Variants in USP54 observed in about 807,000 individuals in gnomAD.
The protein encoded by USP54 is ubiquitin carboxyl-terminal hydrolase 54.
In USP54, 87 loss-of-function variants were observed where a neutral mutation model predicts 170.5. The ratio of observed to expected loss-of-function variants is 0.51; its 90% CI spans 0.43 to 0.61. The LOEUF (loss-of-function observed/expected upper bound fraction) is 0.61. Ranked by LOEUF, USP54 falls within the 20% of genes least tolerant of loss-of-function variation. USP54 has a pLI of 0.00. For synonymous variants in USP54, 655 were observed against 742.8 expected, an observed-to-expected ratio of 0.88 and a Z score of 1.92; for missense variants, 1,786 against 2,047.8, an observed-to-expected ratio of 0.87 and a Z score of 2.47.
At chr10:73,539,306 A>AT (rs1356619690) in intron 10 of USP54, 138 bp downstream of exon 10, 104 of 333,974 alleles carry the variant, frequency 3.1e-4, no homozygotes, top group African/African-American at 1.6e-3. Context: ...AAAAAAAAAA[A>AT]AATATATATA....
intron 22 of USP54, chr10:73,504,626 A>G (rs1340304431): frequency 3.3e-6 from 2 of 603,948 alleles, no homozygotes; most frequent in Admixed American, 3.1e-5. Flanking sequence ...AAACCCTACA[A>G]CACGCACGGC....
chr10:73,609,141 G>C (rs2079922433), intron 1 of USP54, among the ~76,000 whole-genome samples: 1 of 152,094 alleles, frequency 6.6e-6, no homozygotes, highest in Non-Finnish European at 1.5e-5. Flanking sequence ...AACACTGAAG[G>C]AACACATAGA....
Position 73,516,400 on chromosome 10 carries a change from G to T in USP54, c.4026C>A (p.Thr1342=). 1 of 1,612,846 alleles carries T rather than the reference G, an allele frequency of 6.2e-7. No homozygotes were observed. The highest frequency in any genetic ancestry group is 1.1e-5 in the South Asian group (1 of 90,894). The change falls in exon 20 of 24, where the codon ACC becomes ACA. Residue 1342 remains threonine (T), a synonymous_variant. Transcript: ENST00000687698. The part of the protein sequence containing the change: ...AGCSGWGQQD[T]AWHPLSQTGS... ...CTGTTTGGCTAAGTGGGTGCCAGGC[G>T]GTATCCTGCTGCCCCCATCCAGAAC...
intron 20 of USP54, among the ~76,000 whole-genome samples, chr10:73,508,799 C>G (rs1450730039): frequency 1.3e-5 from 2 of 151,700 alleles, no homozygotes. Context: ...TCCCGAGTAG[C>G]TGGGACTACA....
intron 1 of USP54, among the ~76,000 whole-genome samples, chr10:73,607,001 A>G (rs2079698974): frequency 6.6e-6 from 1 of 151,824 alleles, no homozygotes; most frequent in African/African-American, 2.4e-5. Flanking sequence ...ATATATTTCT[A>G]GAGGCAGGAA....
intron 4 of USP54, among the ~76,000 whole-genome samples, chr10:73,550,596 G>A (rs1228101577): frequency 1.3e-5 from 2 of 152,028 alleles, no homozygotes; most frequent in African/African-American, 4.8e-5. Flanking sequence ...CAGCAACTAG[G>A]ACAGTACTGG....
rs372893714 is a variant in USP54 at position 73,617,126 on chromosome 10, G to A, written c.-18+8441C>T. 2.3e-4 allele frequency among the ~76,000 whole-genome samples: 35 copies of A among 150,250 alleles called. 2 individuals carry two copies. Among genetic ancestry groups the A allele is most frequent in the Admixed American group, 1.2e-3 (19 of 15,216 alleles). ...CAGCCTGACCAACACGGAGAAACCC[G>A]TCTCTACTAAAAATACAAAATTAGC... is the stretch of plus-strand genomic sequence containing the variant. On this transcript the variant is annotated intron_variant, in intron 1 of 22. Transcript: ENST00000339859.
chr10:73,534,972 C>T (rs2064924257), intron 11 of USP54, among the ~76,000 whole-genome samples: 2 of 152,198 alleles, frequency 1.3e-5, no homozygotes, highest in Admixed American at 1.3e-4. Flanking sequence ...TTCCTCCCAT[C>T]CCTTTCCCTA....
chr10:73,622,751 G>C (rs1222408659), intron 1 of USP54, among the ~76,000 whole-genome samples: 1 of 152,038 alleles, frequency 6.6e-6, no homozygotes, highest in East Asian at 1.9e-4. Context: ...CCAGGTGCTT[G>C]AGATCAGCAT....
At chr10:73,571,658 ATGTG>A in intron 3 of USP54, 145 bp from the exon 4 acceptor site, 3 of 573,404 alleles carry the variant, frequency 5.2e-6, no homozygotes, top group African/African-American at 3.8e-5. Context: ...ATTAAAACAA[ATGTG>A]AAAAAAGGTG....
chr10:73,573,028 A>G (rs2075477808), intron 3 of USP54, among the ~76,000 whole-genome samples: 1 of 152,204 alleles, frequency 6.6e-6, no homozygotes. Context: ...TTATGCCTAT[A>G]ATCCCAGCAC....
At chr10:73,580,318 C>CAAAAA (rs550717480) in intron 1 of USP54, among the ~76,000 whole-genome samples, 3 of 64,398 alleles carry the variant, frequency 4.7e-5, no homozygotes, top group Non-Finnish European at 6.8e-5. Flanking sequence ...GACCCCATTT[C>CAAAAA]AAAAAAAAAA....
intron 1 of USP54, among the ~76,000 whole-genome samples, chr10:73,591,007 T>A (rs905505278): frequency 3.3e-5 from 5 of 152,048 alleles, no homozygotes; most frequent in African/African-American, 1.2e-4. Flanking sequence ...ATGAATTTTT[T>A]TTTTTTGGAA....
chr10:73,606,695 G>A (rs184590134), intron 1 of USP54, among the ~76,000 whole-genome samples: 22 of 151,020 alleles, frequency 1.5e-4, no homozygotes, highest in Middle Eastern at 3.5e-3. Context: ...TGGCTAACAC[G>A]GTGAAACCCT....
chr10:73,605,866 G>C (rs2079576707), intron 1 of USP54, among the ~76,000 whole-genome samples: 1 of 151,932 alleles, frequency 6.6e-6, no homozygotes, highest in Admixed American at 6.6e-5. Flanking sequence ...AATGGATTTG[G>C]AGTCTCAGTT....
At chr10:73,561,565 A>G (rs2073068524) in intron 4 of USP54, among the ~76,000 whole-genome samples, 2 of 152,226 alleles carry the variant, frequency 1.3e-5, no homozygotes, top group South Asian at 4.1e-4. Context: ...AAGGGAGGCA[A>G]AACACTCCAC....
chr10:73,520,979 A>G lies in USP54; in HGVS notation c.2411T>C (p.Phe804Ser). 1 of 1,614,180 alleles carries G rather than the reference A, an allele frequency of 6.2e-7. No homozygotes were observed. The change falls in exon 18 of 24, where the codon TTT becomes TCT. Residue 804 changes from phenylalanine to serine, a missense_variant. Around this residue, in one of 3 missense-constraint regions of USP54, gnomAD observed 1,418 missense variants for 1,569.0 expected, o/e 0.90. Transcript: ENST00000687698. ...ERSLQEAESV[F>S]EESLHLEQKG... ...CTGTTCCAGATGTAGTGACTCTTCA[A>G]ACACTGACTCTGCCTCTTGCAGGGA... is the stretch of plus-strand genomic sequence containing the variant.
intron 12 of USP54, among the ~76,000 whole-genome samples, chr10:73,531,150 T>C (rs2063890998): frequency 6.6e-6 from 1 of 151,928 alleles, no homozygotes; most frequent in East Asian, 1.9e-4. Context: ...ATACAAAAAT[T>C]AGTCCGGCAT....
chr10:73,557,092 A>G (rs2071287398), intron 4 of USP54, among the ~76,000 whole-genome samples: 1 of 152,188 alleles, frequency 6.6e-6, no homozygotes, highest in Admixed American at 6.5e-5. Flanking sequence ...CACACTAAAT[A>G]CAGAGGACGG....
Sources: allele counts gnomAD v4.1 joint callset (sites outside exome capture counted in the v4.1 genomes callset), GRCh38; gene constraint gnomAD v4.1.1; regional missense constraint gnomAD v4.1.1; transcripts MANE v1.5; gene names NCBI Gene and HGNC (gene_info 2026-07-23, HGNC 2026-07-21).